Variants in CNTNAP2 observed in about 807,000 individuals in gnomAD.
The protein encoded by CNTNAP2 is contactin-associated protein-like 2.
In CNTNAP2, 98 loss-of-function variants were observed where a neutral mutation model predicts 155.2. The observed-to-expected ratio is 0.63, with a 90% CI of 0.54 to 0.75. CNTNAP2 has a LOEUF of 0.75. Ranked by LOEUF, CNTNAP2 falls within the 30% of genes least tolerant of loss-of-function variation. The pLI, the probability that CNTNAP2 is intolerant of heterozygous loss-of-function variation, is 0.00. For missense variants in CNTNAP2, 1,727 were observed against 1,688.1 expected (o/e 1.02, Z -0.40); for synonymous variants, 651 against 631.2 (o/e 1.03, Z -0.47).
intron 8 of CNTNAP2, among the ~76,000 whole-genome samples, chr7:147,292,110 G>T (rs1805326063): frequency 6.6e-6 from 1 of 152,106 alleles, no homozygotes; most frequent in Non-Finnish European, 1.5e-5. Context: ...AAATTATCAA[G>T]TGATTTTGAT....
chr7:147,409,658 A>G (rs1406206669), intron 10 of CNTNAP2, among the ~76,000 whole-genome samples: 1 of 152,212 alleles, frequency 6.6e-6, no homozygotes, highest in Non-Finnish European at 1.5e-5. Context: ...GCATCTGACA[A>G]AAGTCTAATA....
intron 1 of CNTNAP2, among the ~76,000 whole-genome samples, chr7:146,472,362 C>G (rs1053801981): frequency 1.3e-5 from 2 of 152,160 alleles, no homozygotes; most frequent in Non-Finnish European, 2.9e-5. Context: ...AAAATCACAT[C>G]TTTTCTGCTG....
intron 3 of CNTNAP2, among the ~76,000 whole-genome samples, chr7:147,012,523 AT>A (rs1798646214): frequency 6.6e-6 from 1 of 152,156 alleles, no homozygotes. Flanking sequence ...GTAAATTTTA[AT>A]TTGAAATTGA....
intron 15 of CNTNAP2, among the ~76,000 whole-genome samples, chr7:148,018,139 G>A (rs778846805): frequency 6.6e-5 from 10 of 152,138 alleles, no homozygotes; most frequent in Non-Finnish European, 4.4e-5. Flanking sequence ...AAAATAACAC[G>A]ACTGGTACCT....
At position 146,433,919 on chromosome 7, in the gene CNTNAP2, C is replaced by T. The variant is rs556905559; in HGVS notation, c.97+316946C>T. ...CAGCTTCCACCTTTCAAAAGTCCTT[C>T]TTACGGTGCTGAAGGAATTTATTTT... On this transcript the variant is annotated intron_variant, in intron 1 of 23. Transcript: ENST00000361727. 4.6e-5 allele frequency among the ~76,000 whole-genome samples: 7 copies of T among 152,260 alleles called. No homozygotes were observed. The South Asian group carries it at 1.4e-3, about 32-fold the overall frequency.
At chr7:148,082,554 A>G (rs761410408) in intron 15 of CNTNAP2, among the ~76,000 whole-genome samples, 2 of 152,164 alleles carry the variant, frequency 1.3e-5, no homozygotes, top group Admixed American at 6.5e-5. Flanking sequence ...GAGAACCAGG[A>G]CGCTCATTGT....
intron 3 of CNTNAP2, among the ~76,000 whole-genome samples, chr7:146,971,679 A>T (rs891285977): frequency 5.3e-5 from 8 of 152,108 alleles, no homozygotes; most frequent in Non-Finnish European, 7.4e-5. Flanking sequence ...TTGCATCCTC[A>T]TATGGGAGAA....
At chr7:148,018,305 A>G (rs1802215332) in intron 15 of CNTNAP2, among the ~76,000 whole-genome samples, 1 of 152,210 alleles carries the variant, frequency 6.6e-6, no homozygotes, top group Admixed American at 6.5e-5. Flanking sequence ...GTAATGGTCA[A>G]GCTCCCATAA....
At chr7:148,166,918 TC>T (rs34749094) in intron 17 of CNTNAP2, among the ~76,000 whole-genome samples, 2,418 of 152,330 alleles carry the variant, frequency 0.016, 65 homozygotes, top group African/African-American at 0.056. Flanking sequence ...TGCATTAATG[TC>T]TTTTACATAA....
chr7:147,981,834 A>G (rs1247702640), intron 15 of CNTNAP2, among the ~76,000 whole-genome samples: 1 of 122,474 alleles, frequency 8.2e-6, no homozygotes, highest in Non-Finnish European at 1.7e-5. Context: ...TTTTTCTTTC[A>G]TTCTTTCTTT....
intron 21 of CNTNAP2, among the ~76,000 whole-genome samples, chr7:148,333,179 A>G (rs4726956): frequency 0.68 from 103,788 of 152,010 alleles, 35,709 homozygotes; most frequent in East Asian, 0.88. Context: ...CGTAATCCCA[A>G]CACTTTGGGA....
Position 147,098,981 on chromosome 7 carries a change from G to A in CNTNAP2, c.551-9166G>A, listed in dbSNP as rs528681732. ...ATTACTGTGGCAGGCCATCCCACAG[G>A]GTGTAGACCAGAGGTAGGGAGCTCA... On this transcript the variant is annotated intron_variant, in intron 4 of 23. Coordinates refer to ENST00000361727, the MANE Select transcript of CNTNAP2 (RefSeq NM_014141.6). Among the ~76,000 whole-genome samples, 5 of 152,150 alleles carry A rather than the reference G, an allele frequency of 3.3e-5. No homozygotes were observed. The South Asian group carries it at 8.3e-4, about 25-fold the overall frequency.
intron 1 of CNTNAP2, among the ~76,000 whole-genome samples, chr7:146,589,470 A>G (rs1253112308): frequency 2.0e-5 from 3 of 152,150 alleles, no homozygotes; most frequent in Non-Finnish European, 4.4e-5. Flanking sequence ...GAAGCTGCAA[A>G]CTATCATTCT....
chr7:147,706,060 T>C (rs1796309958), intron 13 of CNTNAP2, among the ~76,000 whole-genome samples: 1 of 152,202 alleles, frequency 6.6e-6, no homozygotes, highest in Non-Finnish European at 1.5e-5. Context: ...TTATTGTTAA[T>C]ATATAAAAGC....
intron 3 of CNTNAP2, among the ~76,000 whole-genome samples, chr7:147,043,485 T>C (rs7812091): frequency 0.37 from 56,571 of 152,044 alleles, 10,717 homozygotes; most frequent in East Asian, 0.45. Context: ...CTCTCACTAA[T>C]GTTGAAATGT....
intron 1 of CNTNAP2, among the ~76,000 whole-genome samples, chr7:146,405,490 G>C (rs1052730889): frequency 6.6e-6 from 1 of 152,076 alleles, no homozygotes; most frequent in East Asian, 1.9e-4. Flanking sequence ...GATGTGATCT[G>C]AAAATAAATT....
intron 3 of CNTNAP2, among the ~76,000 whole-genome samples, chr7:146,989,971 T>A (rs1466165993): frequency 1.3e-5 from 2 of 151,960 alleles, no homozygotes; most frequent in Non-Finnish European, 1.5e-5. Flanking sequence ...TTGGCTTATA[T>A]GGAAATCAAA....
intron 1 of CNTNAP2, among the ~76,000 whole-genome samples, chr7:146,684,356 T>C (rs904643077): frequency 1.3e-5 from 2 of 152,154 alleles, no homozygotes; most frequent in African/African-American, 4.8e-5. Context: ...CCCCTATTTA[T>C]GTATCAATAG....
intron 9 of CNTNAP2, among the ~76,000 whole-genome samples, chr7:147,307,756 G>T (rs1795058007): frequency 6.6e-6 from 1 of 152,054 alleles, no homozygotes; most frequent in African/African-American, 2.4e-5. Flanking sequence ...AAATGTTTTT[G>T]AATTCGCTTT....
Sources: gnomAD v4.1 joint callset for allele counts (sites outside exome capture counted in the v4.1 genomes callset) on GRCh38, gnomAD v4.1.1 for gene constraint, MANE v1.5 for transcripts, NCBI Gene and HGNC (gene_info 2026-07-23, HGNC 2026-07-21) for gene names.